MAML3: variants seen among roughly 807,000 people sequenced by gnomAD.
The protein encoded by MAML3 is mastermind like transcriptional coactivator 3, also known as mastermind-like protein 3.
Under a neutral mutation model 101.9 loss-of-function variants are expected in MAML3, and 27 were observed. The ratio of observed to expected loss-of-function variants is 0.27; its 90% CI spans 0.20 to 0.37. The LOEUF (loss-of-function observed/expected upper bound fraction) is 0.37. MAML3 is among the 10% of genes least tolerant of loss of function. MAML3 has a pLI of 1.00. For synonymous variants in MAML3, 501 were observed against 555.9 expected (o/e 0.90, Z 1.39); for missense variants, 1,316 against 1,444.9 (o/e 0.91, Z 1.45).
At chr4:139,847,786 G>T (rs1422138278) in intron 2 of MAML3, among the ~76,000 whole-genome samples, 1 of 152,188 alleles carries the variant, frequency 6.6e-6, no homozygotes, top group African/African-American at 2.4e-5. Context: ...GCTTGAAAAG[G>T]AAAGTTAATC....
intron 2 of MAML3, among the ~76,000 whole-genome samples, chr4:139,752,830 T>G (rs1729544142): frequency 1.3e-5 from 2 of 152,162 alleles, no homozygotes; most frequent in Admixed American, 6.5e-5. Flanking sequence ...CCCTCTACAT[T>G]GATAACCATA....
intron 1 of MAML3, among the ~76,000 whole-genome samples, chr4:140,004,819 G>A (rs1194484765): frequency 6.6e-6 from 1 of 151,890 alleles, no homozygotes; most frequent in Non-Finnish European, 1.5e-5. Context: ...TTTCCTAGCC[G>A]AAAGGAGGGC....
intron 1 of MAML3, among the ~76,000 whole-genome samples, chr4:140,020,879 G>A (rs903118980): frequency 2.0e-5 from 3 of 152,114 alleles, no homozygotes; most frequent in Non-Finnish European, 4.4e-5. Context: ...AAATTGGCCC[G>A]TTCTCATAAA....
At chr4:139,741,218 T>C (rs1363516548) in intron 2 of MAML3, among the ~76,000 whole-genome samples, 3 of 152,130 alleles carry the variant, frequency 2.0e-5, no homozygotes, top group Non-Finnish European at 4.4e-5. Context: ...TACTTCTCCT[T>C]ATGTAAAGAT....
intron 1 of MAML3, among the ~76,000 whole-genome samples, chr4:140,094,977 C>T (rs1230075993): frequency 6.6e-6 from 1 of 152,204 alleles, no homozygotes; most frequent in Non-Finnish European, 1.5e-5. Flanking sequence ...CACTGAGTGC[C>T]AAGAGCAAAA....
intron 2 of MAML3, among the ~76,000 whole-genome samples, chr4:139,825,176 A>G (rs1056090959): frequency 6.6e-6 from 1 of 152,140 alleles, no homozygotes; most frequent in African/African-American, 2.4e-5. Context: ...TCCCTCTTAA[A>G]AAAAAGAATA....
intron 1 of MAML3, among the ~76,000 whole-genome samples, chr4:140,064,741 C>T (rs936149836): frequency 2.0e-5 from 3 of 152,116 alleles, no homozygotes; most frequent in African/African-American, 7.2e-5. Context: ...ACTCGCCTTC[C>T]TTCTCTGTCC....
chr4:140,096,049 C>T (rs1284681040), intron 1 of MAML3, among the ~76,000 whole-genome samples: 1 of 152,234 alleles, frequency 6.6e-6, no homozygotes, highest in African/African-American at 2.4e-5. Context: ...TTTGTACTTT[C>T]AGATTACTAG....
rs1176012603 is a variant in MAML3, at chr4:139,718,528, GT to G, written c.*794del. Reference sequence around the variant, plus strand: ...AGATGTGACCCACCTGGATGTATGGGTTTTGTATTGGGCGCCAGCAGGCTCC... The same window carrying G: ...AGATGTGACCCACCTGGATGTATGGGTTTGTATTGGGCGCCAGCAGGCTCC... On this transcript the variant is annotated 3_prime_UTR_variant, in exon 5 of 5. Transcript: ENST00000509479. 6.6e-6 allele frequency: 1 copy of G among 152,360 alleles called. No homozygotes were observed. Among genetic ancestry groups the G allele is most frequent in the Non-Finnish European group, 1.5e-5 (1 of 68,176 alleles). The allele number at this position is 152,360 out of a possible 1,614,324, so 9.4% of individuals were successfully genotyped here.
At chr4:139,936,104 A>G (rs79856069) in intron 1 of MAML3, among the ~76,000 whole-genome samples, 5,622 of 152,230 alleles carry the variant, frequency 0.037, 376 homozygotes, top group African/African-American at 0.13. Context: ...CATATAAATG[A>G]TATCATGCAG....
intron 2 of MAML3, among the ~76,000 whole-genome samples, chr4:139,865,836 C>T (rs1383722833): frequency 6.6e-6 from 1 of 152,270 alleles, no homozygotes. Context: ...AGAAGCAAGG[C>T]AAGAGCCTGT....
At chr4:139,999,716 T>C in intron 1 of MAML3, among the ~76,000 whole-genome samples, 1 of 152,210 alleles carries the variant, frequency 6.6e-6, no homozygotes, top group East Asian at 1.9e-4. Context: ...CATGCAGTTA[T>C]TTGTAGGTGT....
chr4:139,815,445 C>T (rs1730877269), intron 2 of MAML3, among the ~76,000 whole-genome samples: 1 of 152,008 alleles, frequency 6.6e-6, no homozygotes, highest in South Asian at 2.1e-4. Flanking sequence ...ATGACATTTG[C>T]GTGAGAGGTA....
chr4:139,725,932 C>T, intron 3 of MAML3, 97 bp from the exon 4 acceptor site: 1 of 964,158 alleles, frequency 1.0e-6, no homozygotes. Context: ...GTGTTTTCCC[C>T]AAAACTAAAC....
chr4:139,894,002 G>A (rs571341640), intron 1 of MAML3, among the ~76,000 whole-genome samples: 24 of 152,044 alleles, frequency 1.6e-4, no homozygotes, highest in Admixed American at 7.2e-4. Context: ...CTTTCCACTC[G>A]GGTACTCTCT....
At chr4:139,941,455 C>T (rs2110739109) in intron 1 of MAML3, among the ~76,000 whole-genome samples, 1 of 152,242 alleles carries the variant, frequency 6.6e-6, no homozygotes, top group Non-Finnish European at 1.5e-5. Context: ...AAGAAGTTGT[C>T]TTCCTAAGGG....
intron 2 of MAML3, among the ~76,000 whole-genome samples, chr4:139,837,602 A>G (rs1381265928): frequency 6.6e-6 from 1 of 152,088 alleles, no homozygotes; most frequent in African/African-American, 2.4e-5. Flanking sequence ...TTTCTCCTAC[A>G]TCACAGGAAT....
At chr4:139,828,170 A>G (rs79606258) in intron 2 of MAML3, among the ~76,000 whole-genome samples, 1 of 152,236 alleles carries the variant, frequency 6.6e-6, no homozygotes, top group Admixed American at 6.5e-5. Context: ...TAGAAAAAAA[A>G]CAATTATAAC....
At chr4:139,872,211 TA>T (rs935589309) in intron 2 of MAML3, among the ~76,000 whole-genome samples, 3 of 152,248 alleles carry the variant, frequency 2.0e-5, no homozygotes, top group East Asian at 1.9e-4. Context: ...GTTATTATTT[TA>T]AAAAAAATTT....
Sources: allele counts gnomAD v4.1 joint callset (sites outside exome capture counted in the v4.1 genomes callset), GRCh38; gene constraint gnomAD v4.1.1; transcripts MANE v1.5; gene names NCBI Gene and HGNC (gene_info 2026-07-23, HGNC 2026-07-21).